The following ADGRL3 variants were observed in gnomAD, a reference collection of about 807,000 sequenced individuals.
The protein encoded by ADGRL3 is calcium-independent alpha-latrotoxin receptor 3.
Under a neutral mutation model 153.5 loss-of-function variants are expected in ADGRL3, and 62 were observed. The observed-to-expected ratio is 0.40, with a 90% CI of 0.33 to 0.50. ADGRL3 has a LOEUF of 0.50. ADGRL3 is among the 20% of genes least tolerant of loss of function. The pLI, the probability that ADGRL3 is intolerant of heterozygous loss-of-function variation, is 0.47. For missense variants in ADGRL3, 1,641 were observed against 1,859.4 expected, an observed-to-expected ratio of 0.88 and a Z score of 2.16; for synonymous variants, 710 against 672.5, an observed-to-expected ratio of 1.06 and a Z score of -0.86.
intron 9 of ADGRL3, among the ~76,000 whole-genome samples, chr4:61,891,938 AT>A (rs1192669622): frequency 6.6e-6 from 1 of 152,158 alleles, no homozygotes. Context: ...TAACTATTTT[AT>A]TTGGAACTTG....
chr4:61,596,295 G>A (rs1420271672), intron 5 of ADGRL3, among the ~76,000 whole-genome samples: 5 of 151,998 alleles, frequency 3.3e-5, no homozygotes, highest in South Asian at 2.1e-4. Context: ...GTATTATGCC[G>A]GCCTTTTGTA....
At chr4:61,782,641 GT>G (rs776029702) in intron 8 of ADGRL3, among the ~76,000 whole-genome samples, 3 of 152,054 alleles carry the variant, frequency 2.0e-5, no homozygotes, top group Non-Finnish European at 4.4e-5. Context: ...TTTCACTGGT[GT>G]TTTTTCCCTC....
chr4:61,245,467 C>T (rs74611106), intron 1 of ADGRL3, among the ~76,000 whole-genome samples: 70 of 152,224 alleles, frequency 4.6e-4, no homozygotes, highest in Non-Finnish European at 8.4e-4. Flanking sequence ...CCATCGTCCT[C>T]ATGTCTTGGC....
At chr4:61,473,298 T>A (rs999968944) in intron 2 of ADGRL3, among the ~76,000 whole-genome samples, 1 of 151,840 alleles carries the variant, frequency 6.6e-6, no homozygotes, top group Admixed American at 6.6e-5. Context: ...AGATAGAGAT[T>A]AGAGGTTTTT....
chr4:61,502,894 G>C (rs2098401511), intron 3 of ADGRL3, among the ~76,000 whole-genome samples: 1 of 152,110 alleles, frequency 6.6e-6, no homozygotes, highest in South Asian at 2.1e-4. Flanking sequence ...AATCATCCTT[G>C]AAATGTTTAT....
chr4:61,327,148 A>G (rs1023733646), intron 1 of ADGRL3, among the ~76,000 whole-genome samples: 5 of 151,984 alleles, frequency 3.3e-5, no homozygotes, highest in South Asian at 2.1e-4. Flanking sequence ...ATGATTCTTA[A>G]AAGAAGCCAC....
intron 8 of ADGRL3, among the ~76,000 whole-genome samples, chr4:61,764,790 G>T (rs925929557): frequency 1.3e-5 from 2 of 151,914 alleles, no homozygotes; most frequent in Non-Finnish European, 2.9e-5. Context: ...GAGAGAGAAT[G>T]GTCGATGTTT....
intron 9 of ADGRL3, among the ~76,000 whole-genome samples, chr4:61,862,541 A>G (rs1490362359): frequency 2.0e-5 from 3 of 152,166 alleles, no homozygotes; most frequent in African/African-American, 7.2e-5. Context: ...TTCTCCTCTC[A>G]CACATGTTCC....
chr4:61,760,386 G>A (rs1026464161), intron 8 of ADGRL3, among the ~76,000 whole-genome samples: 10 of 152,156 alleles, frequency 6.6e-5, no homozygotes, highest in Admixed American at 2.6e-4. Flanking sequence ...TCTCGCTGCT[G>A]CCTTGCCGTT....
At position 61,497,289 on chromosome 4, in the gene ADGRL3, C is replaced by G; in HGVS notation, c.-5C>G. ...GAGGAATACTCCATACCTGAGTAGA[C>G]AGCCATGTGGCCATCGCAGCTACTA... On this transcript the variant is annotated 5_prime_UTR_variant, in exon 3 of 27. Transcript: ENST00000683033. 6.3e-7 allele frequency: 1 copy of G among 1,588,968 alleles called. No homozygotes were observed. Among genetic ancestry groups the G allele is most frequent in the Non-Finnish European group, 8.6e-7 (1 of 1,163,400 alleles).
At chr4:61,499,200 G>A (rs1004854203) in intron 3 of ADGRL3, among the ~76,000 whole-genome samples, 42 of 152,066 alleles carry the variant, frequency 2.8e-4, no homozygotes, top group Non-Finnish European at 7.4e-5. Context: ...TTCCTTTGAC[G>A]TTTTCCTCTA....
chr4:61,646,113 C>G (rs1019743878), intron 5 of ADGRL3, among the ~76,000 whole-genome samples: 2 of 152,218 alleles, frequency 1.3e-5, no homozygotes, highest in Middle Eastern at 3.4e-3. Flanking sequence ...ACGTAGTTCT[C>G]GAGCCTTGGT....
intron 1 of ADGRL3, among the ~76,000 whole-genome samples, chr4:61,225,392 A>G (rs1196700966): frequency 6.6e-6 from 1 of 152,172 alleles, no homozygotes; most frequent in East Asian, 1.9e-4. Flanking sequence ...AGTTTTATAT[A>G]GCTGTTGTGC....
intron 2 of ADGRL3, among the ~76,000 whole-genome samples, chr4:61,483,889 G>A (rs547140081): frequency 2.0e-5 from 3 of 150,504 alleles, no homozygotes; most frequent in Non-Finnish European, 3.0e-5. Flanking sequence ...ATAAGATTAC[G>A]TTAATAACTA....
intron 5 of ADGRL3, among the ~76,000 whole-genome samples, chr4:61,659,817 A>G (rs1328386014): frequency 6.8e-6 from 1 of 147,284 alleles, no homozygotes; most frequent in Non-Finnish European, 1.5e-5. Flanking sequence ...CAGAGACTCA[A>G]TTTAATCAGA....
chr4:61,779,981 C>G (rs918220598), intron 8 of ADGRL3, among the ~76,000 whole-genome samples: 2 of 152,122 alleles, frequency 1.3e-5, no homozygotes, highest in African/African-American at 4.8e-5. Context: ...GGCCCTGGGT[C>G]AGTATATTTT....
chr4:62,025,779 C>T (rs1446994477), intron 21 of ADGRL3, among the ~76,000 whole-genome samples: 1 of 152,144 alleles, frequency 6.6e-6, no homozygotes, highest in Non-Finnish European at 1.5e-5. Context: ...TTTGCATCCA[C>T]ATTTTTACAA....
At chr4:61,845,208 T>A (rs2098100849) in intron 9 of ADGRL3, among the ~76,000 whole-genome samples, 1 of 152,156 alleles carries the variant, frequency 6.6e-6, no homozygotes, top group South Asian at 2.1e-4. Flanking sequence ...CCCCCTCACC[T>A]TTTCTTTTGG....
Position 61,285,687 on chromosome 4 carries a change from G to A in ADGRL3, c.-240+83922G>A, listed in dbSNP as rs78909660. On this transcript the variant is annotated intron_variant, in intron 1 of 26. Coordinates refer to ENST00000683033, the MANE Select transcript of ADGRL3 (RefSeq NM_001387552.1). ...TTAAAGGAACCCAATTTTGAACCTG[G>A]CATTATCCTAAAAATTATTGTATAT... Among the ~76,000 whole-genome samples the A allele has an allele frequency of 9.9e-4, 151 of 151,794 alleles. 3 individuals are homozygous for A. In the East Asian group the frequency reaches 0.028, roughly 28 times the overall value.
Sources: gnomAD v4.1 joint callset for allele counts (sites outside exome capture counted in the v4.1 genomes callset) on GRCh38, gnomAD v4.1.1 for gene constraint, MANE v1.5 for transcripts, NCBI Gene and HGNC (gene_info 2026-07-23, HGNC 2026-07-21) for gene names.